Variants in FRMD4A observed in about 807,000 individuals in gnomAD.
FRMD4A encodes the protein FERM domain containing 4A.
A neutral mutation model predicts 129.1 loss-of-function variants in FRMD4A; 29 were observed. The ratio of observed to expected loss-of-function variants is 0.22; its 90% confidence interval spans 0.17 to 0.31. The LOEUF is 0.31. FRMD4A is among the 10% of genes least tolerant of loss of function. FRMD4A has a pLI of 1.00. For synonymous variants in FRMD4A, 634 were observed against 571.6 expected (o/e 1.11, Z -1.56); for missense variants, 1,272 against 1,375.8 (o/e 0.92, Z 1.19).
rs1452762041 is a variant in FRMD4A, at chr10:13,964,686, T to C, written c.46-105774A>G. On this transcript the variant is annotated intron_variant, in intron 2 of 24. Coordinates refer to ENST00000357447, the MANE Select transcript of FRMD4A (RefSeq NM_018027.5). ...TGCCTCTTCTTTTGTTTTTTTTTTT[T>C]TTTTGAGACAGAGTTTCGCTCTGTC... is the stretch of plus-strand genomic sequence containing the variant. Among the ~76,000 whole-genome samples the C allele has an allele frequency of 5.9e-5, 9 of 151,662 alleles. No homozygotes were observed. The South Asian group carries it at 1.2e-3, about 21-fold the overall frequency.
At chr10:13,818,688 G>C (rs73579937) in intron 3 of FRMD4A, among the ~76,000 whole-genome samples, 4,922 of 152,262 alleles carry the variant, frequency 0.032, 226 homozygotes, top group African/African-American at 0.11. Flanking sequence ...GCTATTAAAT[G>C]AGGATAATGA....
chr10:13,778,120 T>C (rs955386432), intron 6 of FRMD4A, among the ~76,000 whole-genome samples: 1 of 151,972 alleles, frequency 6.6e-6, no homozygotes, highest in Non-Finnish European at 1.5e-5. Context: ...TGCTGGAGAG[T>C]GATTTCGCGG....
intron 2 of FRMD4A, among the ~76,000 whole-genome samples, chr10:13,877,089 T>C (rs1309805018): frequency 6.6e-6 from 1 of 152,144 alleles, no homozygotes; most frequent in Non-Finnish European, 1.5e-5. Flanking sequence ...ATAAACAATC[T>C]TCTTTGTATA....
intron 3 of FRMD4A, among the ~76,000 whole-genome samples, chr10:13,855,038 C>G (rs1263636206): frequency 6.6e-6 from 1 of 152,162 alleles, no homozygotes; most frequent in Non-Finnish European, 1.5e-5. Context: ...ACTGTTTGCC[C>G]TCCCCTACTG....
chr10:13,670,381 CCAA>C (rs1474078354), intron 17 of FRMD4A, 22 bp downstream of exon 17: 1 of 1,609,798 alleles, frequency 6.2e-7, no homozygotes, highest in East Asian at 2.2e-5. Context: ...ATGAGAGAAT[CCAA>C]CAACAGAAAG....
At chr10:13,851,043 C>G (rs753867754) in intron 3 of FRMD4A, among the ~76,000 whole-genome samples, 6 of 152,066 alleles carry the variant, frequency 3.9e-5, no homozygotes, top group Non-Finnish European at 8.8e-5. Flanking sequence ...AGTGAAATCC[C>G]GTCTTTACAA....
intron 5 of FRMD4A, among the ~76,000 whole-genome samples, chr10:13,791,672 T>C (rs890188213): frequency 2.0e-5 from 3 of 152,168 alleles, no homozygotes; most frequent in Non-Finnish European, 4.4e-5. Flanking sequence ...CCTTGGCTCC[T>C]AGAGCAGTGC....
At chr10:14,042,510 T>C (rs1833818211) in intron 2 of FRMD4A, among the ~76,000 whole-genome samples, 1 of 152,160 alleles carries the variant, frequency 6.6e-6, no homozygotes, top group Admixed American at 6.5e-5. Flanking sequence ...CTGCAGAAAG[T>C]ATAAAAATGG....
chr10:13,734,129 T>C (rs562502012), intron 12 of FRMD4A, among the ~76,000 whole-genome samples: 10 of 152,170 alleles, frequency 6.6e-5, no homozygotes, highest in Non-Finnish European at 1.0e-4. Flanking sequence ...TGGGAGTCAT[T>C]CTGCATTGCC....
Position 13,821,695 on chromosome 10 carries a change from C to T in FRMD4A, c.112-10787G>A, listed in dbSNP as rs1248301801. Among the ~76,000 whole-genome samples the T allele has an allele frequency of 1.3e-5, 2 of 152,202 alleles. No homozygotes were observed. Among genetic ancestry groups the T allele is most frequent in the African/African-American group, 2.4e-5 (1 of 41,446 alleles). On this transcript the variant is annotated intron_variant, in intron 3 of 24. Coordinates refer to ENST00000357447, the MANE Select transcript of FRMD4A (RefSeq NM_018027.5). This position sits in a 1 kb window ranked among gnomAD's most constrained non-coding sequence, Gnocchi z 4.3. ...AACTGAGATACAGCCAGAGAAGCAA[C>T]TCGCCAAATTCACACAGCGAATCAG...
At chr10:14,024,725 C>T (rs148598169) in intron 2 of FRMD4A, among the ~76,000 whole-genome samples, 39 of 152,356 alleles carry the variant, frequency 2.6e-4, no homozygotes, top group African/African-American at 9.4e-4. Flanking sequence ...TGTGTAACTT[C>T]ACAGTCCGAG....
At chr10:14,033,494 A>T (rs1361208631) in intron 2 of FRMD4A, among the ~76,000 whole-genome samples, 1 of 152,028 alleles carries the variant, frequency 6.6e-6, no homozygotes, top group Non-Finnish European at 1.5e-5. Flanking sequence ...GGATAAAGAA[A>T]ATGTGATAGG....
intron 3 of FRMD4A, among the ~76,000 whole-genome samples, chr10:13,823,290 T>G (rs2093655768): frequency 6.6e-6 from 1 of 152,094 alleles, no homozygotes; most frequent in African/African-American, 2.4e-5. Flanking sequence ...TAGGGAGGCC[T>G]CCTGATGAAT....
Position 13,651,969 on chromosome 10 carries a change from G to C in FRMD4A, c.3056C>G (p.Ala1019Gly). ...HHILTWQTGE[A>G]TENSPILDGS... ...ATCCAGAATGGGTGAGTTTTCTGTT[G>C]CTTCTCTGAACAAAGGAAAGCAGGA... The change falls in exon 24 of 25, where the codon GCA (alanine) becomes GGA (glycine). Residue 1019 changes from alanine (A) to glycine (G), a missense_variant. Transcript: ENST00000357447. The C allele has an allele frequency of 6.3e-7, 1 of 1,575,772 alleles. No individual in the cohort carries two copies. Among genetic ancestry groups the C allele is most frequent in the Non-Finnish European group, 8.7e-7 (1 of 1,145,156 alleles).
At chr10:13,892,391 G>T (rs1037234374) in intron 2 of FRMD4A, among the ~76,000 whole-genome samples, 2 of 152,072 alleles carry the variant, frequency 1.3e-5, no homozygotes, top group African/African-American at 2.4e-5. Context: ...TATTGTCAAG[G>T]CTTCGCGACA....
chr10:13,943,675 A>AAAAAAAAAAAAAAAAAAG (rs2095310696), intron 2 of FRMD4A, among the ~76,000 whole-genome samples: 4 of 123,668 alleles, frequency 3.2e-5, no homozygotes, highest in Non-Finnish European at 3.5e-5. Flanking sequence ...AAAAAAAAAA[A>AAAAAAAAAAAAAAAAAAG]AAAAGAAAAA....
At chr10:14,246,618 C>G (rs1208945242) in intron 2 of FRMD4A, among the ~76,000 whole-genome samples, 1 of 152,198 alleles carries the variant, frequency 6.6e-6, no homozygotes, top group Non-Finnish European at 1.5e-5. Flanking sequence ...TGCGCACACA[C>G]ACGCACATAC....
At chr10:13,737,642 T>C (rs2135042335) in intron 12 of FRMD4A, among the ~76,000 whole-genome samples, 1 of 152,046 alleles carries the variant, frequency 6.6e-6, no homozygotes, top group East Asian at 1.9e-4. Flanking sequence ...TAGATTTCCT[T>C]AGAGACAGGG....
chr10:13,977,289 G>A (rs2131396511), intron 2 of FRMD4A, among the ~76,000 whole-genome samples: 1 of 151,708 alleles, frequency 6.6e-6, no homozygotes, highest in South Asian at 2.1e-4. Context: ...GTGTTTTAAT[G>A]CCACATTCCT....
Sources: gnomAD v4.1 joint callset for allele counts (sites outside exome capture counted in the v4.1 genomes callset) on GRCh38, gnomAD v4.1.1 for gene constraint, Gnocchi (gnomAD v3.1) non-coding constraint, MANE v1.5 for transcripts, NCBI Gene and HGNC (gene_info 2026-07-23, HGNC 2026-07-21) for gene names.